Variants in RNF150 observed in about 807,000 individuals in gnomAD.
RNF150 encodes the protein ring finger protein 150.
In RNF150, 24 loss-of-function variants were observed where a neutral mutation model predicts 39.3. That is an observed-to-expected ratio of 0.61 (90% confidence interval 0.44 to 0.86). The LOEUF (loss-of-function observed/expected upper bound fraction) is 0.86. Among genes scored for constraint, RNF150 ranks in the 40% least tolerant of loss-of-function variants. RNF150 has a pLI of 0.00. For synonymous variants in RNF150, 255 were observed against 227.3 expected (o/e 1.12, Z -1.10); for missense variants, 502 against 587.8 (o/e 0.85, Z 1.51).
intron 1 of RNF150, among the ~76,000 whole-genome samples, chr4:141,045,837 C>G (rs1167670812): frequency 6.6e-6 from 1 of 152,086 alleles, no homozygotes; most frequent in Non-Finnish European, 1.5e-5. Flanking sequence ...AGCCACAGCG[C>G]CTGGCCTAGG....
intron 1 of RNF150, among the ~76,000 whole-genome samples, chr4:141,068,272 G>C (rs1389658423): frequency 6.6e-6 from 1 of 152,174 alleles, no homozygotes; most frequent in Non-Finnish European, 1.5e-5. Context: ...GTGAACTAAA[G>C]TGGCTCCTAT....
chr4:141,169,465 C>A (rs558404460), intron 1 of RNF150, among the ~76,000 whole-genome samples: 2 of 152,218 alleles, frequency 1.3e-5, no homozygotes, highest in African/African-American at 2.4e-5. Flanking sequence ...CAATACATAA[C>A]TATTTCTTAA....
At position 140,953,082 on chromosome 4, in the gene RNF150, C is replaced by T. The variant is rs114314237; in HGVS notation, c.736-3710G>A. On this transcript the variant is annotated intron_variant, in intron 2 of 6. Coordinates refer to ENST00000515673, the MANE Select transcript of RNF150 (RefSeq NM_020724.2). ...AAACATAGAACAGATACAGTAAAAA[C>T]AGGATATTATAATCTTATTGGACTA... Among the ~76,000 whole-genome samples, 1,038 of 152,256 alleles carry T rather than the reference C, an allele frequency of 6.8e-3. 9 individuals are homozygous for T. The highest frequency in any genetic ancestry group is 0.024 in the African/African-American group (984 of 41,560).
At chr4:141,013,221 G>A (rs1158824368) in intron 1 of RNF150, among the ~76,000 whole-genome samples, 2 of 152,154 alleles carry the variant, frequency 1.3e-5, no homozygotes, top group Non-Finnish European at 2.9e-5. Context: ...ATTATGTGAT[G>A]GCTCGGATGG....
intron 1 of RNF150, among the ~76,000 whole-genome samples, chr4:141,096,828 C>T (rs1482568634): frequency 1.3e-5 from 2 of 152,206 alleles, no homozygotes; most frequent in African/African-American, 2.4e-5. Context: ...GGACAGAGTG[C>T]TCTGAATACT....
chr4:140,896,794 AC>A (rs1729976736), intron 6 of RNF150, among the ~76,000 whole-genome samples: 1 of 151,926 alleles, frequency 6.6e-6, no homozygotes, highest in Admixed American at 6.6e-5. Flanking sequence ...TTCTAGAATT[AC>A]GGCTTATGCT....
chr4:140,969,359 T>C (rs1447779940), intron 1 of RNF150, among the ~76,000 whole-genome samples: 1 of 152,154 alleles, frequency 6.6e-6, no homozygotes, highest in Non-Finnish European at 1.5e-5. Flanking sequence ...TTGGCTGTTA[T>C]TTCTGGGAAT....
At chr4:140,986,811 A>G (rs1020115042) in intron 1 of RNF150, among the ~76,000 whole-genome samples, 3 of 152,108 alleles carry the variant, frequency 2.0e-5, no homozygotes, top group Non-Finnish European at 4.4e-5. Flanking sequence ...AAAGGCATCC[A>G]AAAAGGAAAA....
intron 1 of RNF150, among the ~76,000 whole-genome samples, chr4:141,108,680 A>G (rs893739870): frequency 6.6e-6 from 1 of 152,276 alleles, no homozygotes; most frequent in Admixed American, 6.5e-5. Context: ...TTTAGGTTCA[A>G]TGAAATTTGT....
chr4:140,980,046 T>C (rs998156830), intron 1 of RNF150, among the ~76,000 whole-genome samples: 3 of 151,956 alleles, frequency 2.0e-5, no homozygotes, highest in African/African-American at 4.8e-5. Flanking sequence ...GGCTATTTCA[T>C]TTTTTTTCTT....
intron 1 of RNF150, among the ~76,000 whole-genome samples, chr4:141,171,084 A>C (rs1727709407): frequency 6.6e-6 from 1 of 152,236 alleles, no homozygotes; most frequent in Non-Finnish European, 1.5e-5. Context: ...CAGTCATGTT[A>C]AGGTTATAAT....
rs539702197 is a variant in RNF150 at position 140,980,489 on chromosome 4, T to C, written c.485-12616A>G. On this transcript the variant is annotated intron_variant, in intron 1 of 6. Coordinates refer to ENST00000515673, the MANE Select transcript of RNF150 (RefSeq NM_020724.2). The stretch of plus-strand genomic sequence containing the variant: ...AATGGGAAAATATAGATGAAGCACC[T>C]TGATATGGTTTGGCTGTGTCCCCCT... Among the ~76,000 whole-genome samples, 4 of 152,308 alleles carry C rather than the reference T, an allele frequency of 2.6e-5. No individual in the cohort carries two copies. The South Asian group carries it at 6.2e-4, about 24-fold the overall frequency.
At chr4:141,033,760 C>T (rs1443558766) in intron 1 of RNF150, among the ~76,000 whole-genome samples, 10 of 152,166 alleles carry the variant, frequency 6.6e-5, no homozygotes, top group South Asian at 2.1e-4. Context: ...GGTAACCAGG[C>T]GCATTGTCAA....
chr4:141,131,714 CTTCTT>C (rs2111109015), intron 1 of RNF150, among the ~76,000 whole-genome samples: 2 of 152,348 alleles, frequency 1.3e-5, no homozygotes, highest in African/African-American at 4.8e-5. Flanking sequence ...CCATCACACT[CTTCTT>C]GGCTTGTTGA....
At chr4:141,062,445 A>G (rs1026863286) in intron 1 of RNF150, among the ~76,000 whole-genome samples, 1 of 152,160 alleles carries the variant, frequency 6.6e-6, no homozygotes, top group Non-Finnish European at 1.5e-5. Flanking sequence ...CATATAAAGC[A>G]TCTAGAAGGA....
At chr4:140,885,856 A>G (rs944058167) in intron 6 of RNF150, among the ~76,000 whole-genome samples, 1 of 152,154 alleles carries the variant, frequency 6.6e-6, no homozygotes, top group African/African-American at 2.4e-5. Flanking sequence ...CGCCTGCCTC[A>G]GCCTTCCAAA....
At chr4:141,178,268 G>A (rs528275842) in intron 1 of RNF150, among the ~76,000 whole-genome samples, 24 of 152,096 alleles carry the variant, frequency 1.6e-4, no homozygotes, top group African/African-American at 5.5e-4. Flanking sequence ...GTGTGCGTGC[G>A]CATGCACACA....
intron 5 of RNF150, among the ~76,000 whole-genome samples, chr4:140,919,485 T>G (rs1731008985): frequency 2.0e-5 from 3 of 148,504 alleles, no homozygotes; most frequent in Non-Finnish European, 4.5e-5. Flanking sequence ...ACAAGGGACG[T>G]GAAGGACCTC....
intron 5 of RNF150, among the ~76,000 whole-genome samples, chr4:140,918,433 G>C (rs1202905229): frequency 1.3e-5 from 2 of 152,190 alleles, no homozygotes; most frequent in South Asian, 2.1e-4. Flanking sequence ...AGAAAATTTA[G>C]AAGAAATGGA....
Sources: allele counts gnomAD v4.1 joint callset (sites outside exome capture counted in the v4.1 genomes callset), GRCh38; gene constraint gnomAD v4.1.1; transcripts MANE v1.5; gene names NCBI Gene and HGNC (gene_info 2026-07-23, HGNC 2026-07-21).